The following NFASC variants were observed in gnomAD, a reference collection of about 807,000 sequenced individuals.
The protein encoded by NFASC is neurofascin, also known as neurofascin homolog.
A neutral mutation model predicts 147.5 loss-of-function variants in NFASC; 43 were observed. That is an observed-to-expected ratio of 0.29 (90% CI 0.23 to 0.38). NFASC has a LOEUF of 0.38. Among genes scored for constraint, NFASC ranks in the 10% least tolerant of loss-of-function variants. The probability of loss-of-function intolerance (pLI) is 1.00; values close to 1 mark genes in which losing one functional copy is unlikely to be tolerated. For synonymous variants in NFASC, 622 were observed against 665.5 expected (o/e 0.93, Z 1.01); for missense variants, 1,320 against 1,689.0 (o/e 0.78, Z 3.83).
chr1:205,015,670 C>G lies in NFASC; in HGVS notation c.3492-638C>G, dbSNP rs1408577172. ...GCATCACCTGCTTACCTGTGTGCCC[C>G]CCCACCACCACCACTCTTGCGCACC... On this transcript the variant is annotated intron_variant, in intron 29 of 29. Coordinates refer to ENST00000339876, the MANE Select transcript of NFASC (RefSeq NM_001005388.3). This position sits in a 1 kb window ranked among gnomAD's most constrained non-coding sequence, Gnocchi z 4.0. 2.7e-5 allele frequency among the ~76,000 whole-genome samples: 4 copies of G among 150,854 alleles called. No homozygotes were observed. In the East Asian group the frequency reaches 7.7e-4, roughly 29 times the overall value.
chr1:205,001,293 A>T lies in NFASC; in HGVS notation c.3136+7A>T, dbSNP rs2095978245. On this transcript the variant is annotated splice_region_variant and intron_variant, in intron 26 of 29. Coordinates refer to ENST00000339876, the MANE Select transcript of NFASC (RefSeq NM_001005388.3). ...GTGGTTGAGTACATCGACAGTAAGC[A>T]TTGCTGTGCGGGGTGGTGGTGGCGG... The T allele has an allele frequency of 1.3e-6, 2 of 1,575,280 alleles. No homozygotes were observed. Among genetic ancestry groups the T allele is most frequent in the South Asian group, 2.2e-5 (2 of 89,248 alleles).
At position 204,897,373 on chromosome 1, in the gene NFASC, A is replaced by G. The variant is rs989803681; in HGVS notation, c.-199-23259A>G. On this transcript the variant is annotated intron_variant, in intron 1 of 29. Transcript: ENST00000339876. ...TAGTGATAGCAGAGCAGAGGAGGAA[A>G]CCCCGGAGCAAGGCCTTGTAAACCA... Among the ~76,000 whole-genome samples, 4 of 152,022 alleles carry G rather than the reference A, an allele frequency of 2.6e-5. No homozygotes were observed. In the East Asian group the frequency reaches 7.7e-4, roughly 29 times the overall value.
At chr1:204,879,143 A>G (rs981591516) in intron 1 of NFASC, among the ~76,000 whole-genome samples, 1 of 152,230 alleles carries the variant, frequency 6.6e-6, no homozygotes, top group Admixed American at 6.5e-5. Context: ...TTTAATGAAC[A>G]TTTTTATTTT....
chr1:204,859,190 C>G (rs1016735440), intron 1 of NFASC, among the ~76,000 whole-genome samples: 1 of 152,156 alleles, frequency 6.6e-6, no homozygotes, highest in Non-Finnish European at 1.5e-5. Flanking sequence ...GTTGGCCAGG[C>G]TGGTCTTGAA....
At chr1:204,831,925 G>A (rs1319839124) in intron 1 of NFASC, among the ~76,000 whole-genome samples, 2 of 152,186 alleles carry the variant, frequency 1.3e-5, no homozygotes, top group African/African-American at 4.8e-5. Context: ...TTGAGCAAGA[G>A]CATCCGGATA....
Position 204,954,298 on chromosome 1 carries a change from C to G in NFASC, c.326C>G (p.Pro109Arg). The G allele has an allele frequency of 6.2e-7, 1 of 1,614,108 alleles. No individual in the cohort carries two copies. Among genetic ancestry groups the G allele is most frequent in the Non-Finnish European group, 8.5e-7 (1 of 1,180,012 alleles). Residue 109 changes from proline (P) to arginine (R), a missense_variant, in exon 6 of 30, where the codon CCG becomes CGG. Around this residue, in one of 3 missense-constraint regions of NFASC, gnomAD observed 981 missense variants for 1,289.5 expected, o/e 0.76. Coordinates refer to ENST00000339876, the MANE Select transcript of NFASC (RefSeq NM_001005388.3). This position sits in a 1 kb window ranked among gnomAD's most constrained non-coding sequence, Gnocchi z 5.7. Reference sequence around the variant, plus strand: ...ATTGACTTCCGCAGTGGCGGGCGGCCGGAGGAATATGAGGGGGAATATCAG... The same window carrying G: ...ATTGACTTCCGCAGTGGCGGGCGGCGGGAGGAATATGAGGGGGAATATCAG... ...LVIDFRSGGRPEEYEGEYQCF... is the reference protein window; with the variant it reads ...LVIDFRSGGRREEYEGEYQCF...
intron 1 of NFASC, among the ~76,000 whole-genome samples, chr1:204,836,007 C>T (rs1225421204): frequency 6.6e-6 from 1 of 152,160 alleles, no homozygotes; most frequent in African/African-American, 2.4e-5. Context: ...TTTTTCTTTA[C>T]TGATGCTGGC....
chr1:204,936,792 G>A (rs2595955), intron 2 of NFASC, among the ~76,000 whole-genome samples: 22,012 of 152,182 alleles, frequency 0.14, 1,997 homozygotes, highest in African/African-American at 0.26. Flanking sequence ...CCCTGCAGCC[G>A]CTTCCTATCA....
chr1:204,963,345 A>G (rs1442877723), intron 8 of NFASC, among the ~76,000 whole-genome samples: 1 of 152,230 alleles, frequency 6.6e-6, no homozygotes, highest in East Asian at 1.9e-4. Flanking sequence ...GAGCCCTGGT[A>G]TGGAATGGGC....
At chr1:204,849,873 G>T (rs1179129095) in intron 1 of NFASC, among the ~76,000 whole-genome samples, 1 of 152,108 alleles carries the variant, frequency 6.6e-6, no homozygotes, top group Non-Finnish European at 1.5e-5. Context: ...TATGATGTTG[G>T]GTCATTCATC....
chr1:204,965,349 A>G (rs1181641688), intron 8 of NFASC, among the ~76,000 whole-genome samples: 1 of 152,164 alleles, frequency 6.6e-6, no homozygotes, highest in African/African-American at 2.4e-5. Flanking sequence ...ACCCTCTTTG[A>G]GAACAGTGGC....
chr1:204,995,481 G>A (rs895682521), intron 24 of NFASC, among the ~76,000 whole-genome samples: 7 of 152,114 alleles, frequency 4.6e-5, no homozygotes, highest in African/African-American at 1.7e-4. Flanking sequence ...GAGAGGGAGA[G>A]TTGCCCCACC....
At chr1:204,828,882 A>T in intron 1 of NFASC, 100 bp downstream of exon 1, 1 of 757,492 alleles carries the variant, frequency 1.3e-6, no homozygotes, top group South Asian at 5.9e-5. Flanking sequence ...CCATCCCCTG[A>T]CCTGCCCCCT....
intron 1 of NFASC, chr1:204,870,697 A>C (rs2077542699): frequency 9.2e-7 from 1 of 1,081,130 alleles, no homozygotes; most frequent in South Asian, 2.7e-5. Flanking sequence ...CGGCCGAGGG[A>C]GGGGTGAGTG....
rs758461611 is a variant in NFASC at position 204,974,733 on chromosome 1, A to G, written c.1468A>G (p.Met490Val). 6.2e-7 allele frequency: 1 copy of G among 1,613,804 alleles called. No individual in the cohort carries two copies. Among genetic ancestry groups the G allele is most frequent in the Admixed American group, 1.7e-5 (1 of 60,000 alleles). ...VYENGSLEIK[M>V]IRKEDQGIYT... ...TGAGAACGGCAGTCTGGAAATTAAG[A>G]TGATCCGCAAAGAGGACCAGGGCAT... Residue 490 changes from methionine (M) to valine (V), a missense_variant, in exon 14 of 30, where the codon ATG becomes GTG. Transcript: ENST00000339876.
In NFASC at chr1:205,022,532, T is replaced by C. The variant is rs554270450; in HGVS notation, c.*5993T>C. On this transcript the variant is annotated 3_prime_UTR_variant, in exon 30 of 30. Coordinates refer to ENST00000339876, the MANE Select transcript of NFASC (RefSeq NM_001005388.3). ...TCCATTGGTTAAACATTTAACTCCA[T>C]GCCAGACCTTGTTTTAACCCCTCTC... The C allele has an allele frequency of 2.0e-5, 3 of 152,808 alleles. No homozygotes were observed. The highest frequency in any genetic ancestry group is 6.5e-5 in the Admixed American group (1 of 15,304). 9.5% of individuals were successfully genotyped at this position (152,808 alleles called of 1,614,324 possible).
chr1:204,985,762 T>G, intron 21 of NFASC: 1 of 605,534 alleles, frequency 1.7e-6, no homozygotes, highest in Non-Finnish European at 3.0e-6. Flanking sequence ...ATTAAAAGGC[T>G]GCTTCCTCAG....
chr1:204,989,682 C>G (rs1189353086), intron 23 of NFASC: 3 of 152,224 alleles, frequency 2.0e-5, no homozygotes, highest in Non-Finnish European at 2.9e-5. Flanking sequence ...TGTGAGGTGC[C>G]AGACACTGCC....
intron 1 of NFASC, among the ~76,000 whole-genome samples, chr1:204,830,157 A>ATGTGCTGGGC (rs1343188411): frequency 1.3e-5 from 2 of 152,082 alleles, no homozygotes; most frequent in Admixed American, 1.3e-4. Flanking sequence ...ACCCTTGGAA[A>ATGTGCTGGGC]TGTGCTGGGC....
Sources: gnomAD v4.1 joint callset for allele counts (sites outside exome capture counted in the v4.1 genomes callset) on GRCh38, gnomAD v4.1.1 for gene constraint, gnomAD v4.1.1 regional missense constraint, Gnocchi (gnomAD v3.1) non-coding constraint, MANE v1.5 for transcripts, NCBI Gene and HGNC (gene_info 2026-07-23, HGNC 2026-07-21) for gene names.